Variants in FARS2 observed in about 807,000 individuals in gnomAD.
FARS2 encodes the protein phenylalanine--tRNA ligase, mitochondrial.
A neutral mutation model predicts 46.4 loss-of-function variants in FARS2; 40 were observed. The observed-to-expected ratio is 0.86, with a 90% CI of 0.67 to 1.12. The LOEUF is 1.12. Among genes scored for constraint, FARS2 ranks in the 50% most tolerant of loss-of-function variants. The probability of loss-of-function intolerance (pLI) is 0.00; values close to 1 mark genes in which losing one functional copy is unlikely to be tolerated. For missense variants in FARS2, 513 were observed against 567.9 expected (o/e 0.90, Z 0.98); for synonymous variants, 234 against 214.9 (o/e 1.09, Z -0.78).
intron 6 of FARS2, among the ~76,000 whole-genome samples, chr6:5,666,615 A>G (rs1160827375): frequency 6.6e-6 from 1 of 152,240 alleles, no homozygotes; most frequent in Non-Finnish European, 1.5e-5. Flanking sequence ...AATGTGGTTA[A>G]GATCATATCC....
rs895635858 is a variant in FARS2, at chr6:5,333,060, A to T, written c.-21-35490A>T. Among the ~76,000 whole-genome samples the T allele has an allele frequency of 2.6e-5, 4 of 152,346 alleles. No individual in the cohort carries two copies. In the East Asian group the frequency reaches 5.8e-4, roughly 22 times the overall value. On this transcript the variant is annotated intron_variant, in intron 1 of 6. Transcript: ENST00000274680. ...TTTTGTCTTGGCATTGGTAACCTCT[A>T]AAGTGTACCATTCTGCTTTCTGAAT...
chr6:5,659,383 C>T (rs1172619057), intron 6 of FARS2, among the ~76,000 whole-genome samples: 2 of 152,154 alleles, frequency 1.3e-5, no homozygotes, highest in African/African-American at 4.8e-5. Flanking sequence ...GTTCACTCTG[C>T]ACAAGGACAA....
chr6:5,511,682 G>T (rs374739499), intron 4 of FARS2, among the ~76,000 whole-genome samples: 4 of 152,184 alleles, frequency 2.6e-5, no homozygotes, highest in Non-Finnish European at 5.9e-5. Context: ...GGGTCATTTC[G>T]TAGACCTGTG....
chr6:5,624,411 G>A (rs1416246684), intron 6 of FARS2, among the ~76,000 whole-genome samples: 1 of 152,156 alleles, frequency 6.6e-6, no homozygotes, highest in African/African-American at 2.4e-5. Context: ...CTTCAGTGCT[G>A]TCCTGGCAGG....
intron 1 of FARS2, among the ~76,000 whole-genome samples, chr6:5,295,885 T>G (rs1229970168): frequency 1.3e-5 from 2 of 151,908 alleles, no homozygotes; most frequent in Admixed American, 1.3e-4. Context: ...AGAATCAGAG[T>G]CTAGGCAGTG....
intron 3 of FARS2, among the ~76,000 whole-genome samples, chr6:5,414,951 A>C (rs1168539777): frequency 6.6e-6 from 1 of 150,958 alleles, no homozygotes; most frequent in African/African-American, 2.4e-5. Context: ...AGTAGCTGAG[A>C]TTACAGGCAC....
At chr6:5,555,089 G>A (rs934892462) in intron 5 of FARS2, among the ~76,000 whole-genome samples, 3 of 152,034 alleles carry the variant, frequency 2.0e-5, no homozygotes, top group Admixed American at 6.5e-5. Flanking sequence ...TCACGGGGGC[G>A]GTTTCCTCCA....
chr6:5,456,773 C>G (rs963163996), intron 4 of FARS2, among the ~76,000 whole-genome samples: 1 of 146,234 alleles, frequency 6.8e-6, no homozygotes, highest in Non-Finnish European at 1.5e-5. Context: ...CATTAGCAGG[C>G]AGGATTGAAA....
chr6:5,581,751 G>T (rs1188489940), intron 5 of FARS2, among the ~76,000 whole-genome samples: 3 of 151,946 alleles, frequency 2.0e-5, no homozygotes, highest in African/African-American at 7.3e-5. Context: ...ACATACTTCC[G>T]GTTAATTCCT....
chr6:5,686,980 G>C (rs182190229), intron 6 of FARS2, among the ~76,000 whole-genome samples: 101 of 152,304 alleles, frequency 6.6e-4, no homozygotes, highest in African/African-American at 2.0e-3. Flanking sequence ...TCATGTGTCT[G>C]TTGGCTGCAT....
At chr6:5,319,577 C>G (rs1769819521) in intron 1 of FARS2, among the ~76,000 whole-genome samples, 1 of 152,184 alleles carries the variant, frequency 6.6e-6, no homozygotes, top group African/African-American at 2.4e-5. Flanking sequence ...TCTCGAGTTG[C>G]CTACTTGACC....
chr6:5,484,182 G>A (rs1384152573), intron 4 of FARS2, among the ~76,000 whole-genome samples: 3 of 152,160 alleles, frequency 2.0e-5, no homozygotes, highest in African/African-American at 7.2e-5. Flanking sequence ...TTCTGGATGG[G>A]CCAAGGGGGA....
In FARS2 at chr6:5,404,580, C is replaced by A. The variant is rs1291700744; in HGVS notation, c.651C>A (p.Leu217=). ...TAAAGGATGGAGAAAGCCTGCAGCT[C>A]TTTGAACAAAGTTCTCGCTCTGCGC... The part of the protein sequence containing the change: ...AGIKDGESLQ[L]FEQSSRSAHK... Residue 217 remains leucine (L), a synonymous_variant, in exon 3 of 7, where the codon CTC becomes CTA. Transcript: ENST00000274680. 2 of 1,608,732 alleles carry A rather than the reference C, an allele frequency of 1.2e-6. No homozygotes were observed. Among genetic ancestry groups the A allele is most frequent in the South Asian group, 2.2e-5 (2 of 89,690 alleles).
chr6:5,273,514 GTT>G (rs57173029), intron 1 of FARS2, among the ~76,000 whole-genome samples: 2,006 of 150,384 alleles, frequency 0.013, 39 homozygotes, highest in African/African-American at 0.046. Context: ...ATCAGATTGT[GTT>G]TTTTTTTTAT....
chr6:5,455,953 A>C (rs1024388913), intron 4 of FARS2, among the ~76,000 whole-genome samples: 1 of 152,234 alleles, frequency 6.6e-6, no homozygotes, highest in Non-Finnish European at 1.5e-5. Context: ...GCGGTAGCTT[A>C]TGCCTGTAAT....
At chr6:5,521,531 C>T (rs1769134926) in intron 4 of FARS2, among the ~76,000 whole-genome samples, 2 of 152,208 alleles carry the variant, frequency 1.3e-5, no homozygotes. Context: ...GATGAATGCA[C>T]ACCAGAGTTA....
At position 5,349,131 on chromosome 6, in the gene FARS2, A is replaced by G. The variant is rs79532308; in HGVS notation, c.-21-19419A>G. Among the ~76,000 whole-genome samples the G allele has an allele frequency of 5.3e-3, 804 of 152,308 alleles. 5 individuals are homozygous for G. Among genetic ancestry groups the G allele is most frequent in the African/African-American group, 0.018 (747 of 41,582 alleles). On this transcript the variant is annotated intron_variant, in intron 1 of 6. Transcript: ENST00000274680. ...CCTAAAACTAATAAGTGAGTTCTGC[A>G]AGGTTTCAGGATATAAGATCAACAC... is the stretch of plus-strand genomic sequence containing the variant.
At chr6:5,573,996 T>G (rs1282594956) in intron 5 of FARS2, among the ~76,000 whole-genome samples, 2 of 152,236 alleles carry the variant, frequency 1.3e-5, no homozygotes, top group African/African-American at 4.8e-5. Flanking sequence ...GAAAAATGTT[T>G]AGCCTGCCAT....
chr6:5,453,030 A>T (rs1764596145), intron 4 of FARS2, among the ~76,000 whole-genome samples: 1 of 151,928 alleles, frequency 6.6e-6, no homozygotes, highest in African/African-American at 2.4e-5. Context: ...GGTCCGTTTG[A>T]GAATCAGCTT....
Sources: allele counts gnomAD v4.1 joint callset (sites outside exome capture counted in the v4.1 genomes callset), GRCh38; gene constraint gnomAD v4.1.1; transcripts MANE v1.5; gene names NCBI Gene and HGNC (gene_info 2026-07-23, HGNC 2026-07-21).